The following DNAAF11 variants were observed in gnomAD, a reference collection of about 807,000 sequenced individuals.
DNAAF11 encodes the protein dynein axonemal assembly factor 11, also known as leucine rich repeat containing 6.
DNAAF11 carries 45 observed loss-of-function variants against 60.8 expected under a neutral mutation model. The observed-to-expected ratio is 0.74, with a 90% CI of 0.58 to 0.95. The LOEUF is 0.95. Among genes scored for constraint, DNAAF11 ranks in the 40% least tolerant of loss-of-function variants. The pLI is 0.00. For synonymous variants in DNAAF11, 191 were observed against 183.5 expected (o/e 1.04, Z -0.33); for missense variants, 546 against 546.2 (o/e 1.00, Z 0.00).
At chr8:132,636,212 T>C (rs1267645334) in intron 4 of DNAAF11, among the ~76,000 whole-genome samples, 1 of 151,194 alleles carries the variant, frequency 6.6e-6, no homozygotes, top group African/African-American at 2.4e-5. Context: ...AGTAAACATA[T>C]GAATACCATT....
chr8:132,674,193 GAGAAGGAGGAGGAGA>G (rs1825533237), intron 1 of DNAAF11, among the ~76,000 whole-genome samples: 1 of 138,668 alleles, frequency 7.2e-6, no homozygotes, highest in African/African-American at 3.1e-5. Context: ...GGAGGAGGAG[GAGAAGGAGGAGGAGA>G]AGGAGGAGGA....
the DNAAF11 span, among the ~76,000 whole-genome samples, chr8:132,688,392 GC>G: frequency 3.9e-5 from 6 of 152,194 alleles, no homozygotes; most frequent in African/African-American, 1.4e-4. Context: ...TCACGAAGGA[GC>G]TTTCCCTCTA....
At chr8:132,635,970 C>T (rs757454020) in intron 4 of DNAAF11, among the ~76,000 whole-genome samples, 27 of 151,912 alleles carry the variant, frequency 1.8e-4, no homozygotes, top group Non-Finnish European at 2.8e-4. Context: ...GATTCTCCCT[C>T]GCAGCCCCTG....
At chr8:132,675,156 A>C in intron 1 of DNAAF11, 1 of 346,874 alleles carries the variant, frequency 2.9e-6, no homozygotes, top group Non-Finnish European at 5.2e-6. Flanking sequence ...CTTGGCCGGA[A>C]CGTGGTGTGT....
rs1160136778 is a variant in DNAAF11, at chr8:132,635,218, C to CCAGTTTTAAGCTGATCCAGTTTTTTTAA, written c.430-2256_430-2255insTTAAAAAAACTGGATCAGCTTAAAACTG. On this transcript the variant is annotated intron_variant, in intron 4 of 11. Transcript: ENST00000620350. The stretch of plus-strand genomic sequence containing the variant: ...GTCTGAGTTTAGAAGGCCTAAGAAT[C>CCAGTTTTAAGCTGATCCAGTTTTTTTAA]AGAGATCCAGTTTTAAGCTGAGCGT... Among the ~76,000 whole-genome samples, 32 of 152,310 alleles carry CCAGTTTTAAGCTGATCCAGTTTTTTTAA rather than the reference C, an allele frequency of 2.1e-4. No individual in the cohort carries two copies. The South Asian group carries it at 6.6e-3, about 32-fold the overall frequency.
At chr8:132,693,237 A>G in the DNAAF11 span, among the ~76,000 whole-genome samples, 1 of 152,202 alleles carries the variant, frequency 6.6e-6, no homozygotes, top group African/African-American at 2.4e-5. Flanking sequence ...ATTCAGAGTG[A>G]GCATATGCAC....
intron 3 of DNAAF11, among the ~76,000 whole-genome samples, chr8:132,648,860 A>T (rs1460940131): frequency 3.9e-5 from 6 of 152,228 alleles, no homozygotes; most frequent in Non-Finnish European, 8.8e-5. Flanking sequence ...GAAATAAAAG[A>T]GGACATAAAC....
intron 4 of DNAAF11, among the ~76,000 whole-genome samples, 160 bp downstream of exon 4, chr8:132,637,775 C>T (rs547925733): frequency 1.3e-5 from 2 of 152,296 alleles, no homozygotes; most frequent in African/African-American, 4.8e-5. Flanking sequence ...ACTATTCAAA[C>T]AATATTAAAG....
At chr8:132,575,305 A>G (rs2130949043) in intron 11 of DNAAF11, among the ~76,000 whole-genome samples, 1 of 152,348 alleles carries the variant, frequency 6.6e-6, no homozygotes, top group East Asian at 1.9e-4. Flanking sequence ...AAGGACGTAG[A>G]GAAGTGCCAG....
chr8:132,627,845 C>A (rs1037400070), intron 5 of DNAAF11, among the ~76,000 whole-genome samples: 7 of 152,160 alleles, frequency 4.6e-5, no homozygotes, highest in Admixed American at 4.6e-4. Flanking sequence ...TATAACCTGG[C>A]TGCTGCTACC....
At chr8:132,682,841 C>T in the DNAAF11 span, among the ~76,000 whole-genome samples, 7 of 152,240 alleles carry the variant, frequency 4.6e-5, no homozygotes, top group East Asian at 5.8e-4. Flanking sequence ...CAGAAGATGA[C>T]GGGGAGCTAG....
intron 11 of DNAAF11, among the ~76,000 whole-genome samples, chr8:132,577,121 C>T (rs1426143894): frequency 6.6e-6 from 1 of 152,074 alleles, no homozygotes; most frequent in Non-Finnish European, 1.5e-5. Context: ...CTGTGCCCTT[C>T]CAGCCATGAT....
At chr8:132,587,572 G>A (rs1037497691) in intron 10 of DNAAF11, among the ~76,000 whole-genome samples, 1 of 152,166 alleles carries the variant, frequency 6.6e-6, no homozygotes, top group Non-Finnish European at 1.5e-5. Flanking sequence ...TCTTCCTCCA[G>A]GAAGCAATGC....
intron 1 of DNAAF11, among the ~76,000 whole-genome samples, chr8:132,666,609 G>A (rs568926498): frequency 3.4e-4 from 51 of 152,204 alleles, no homozygotes; most frequent in African/African-American, 1.1e-3. Flanking sequence ...AGGCAATGTC[G>A]ACAGAGATAC....
At chr8:132,635,779 A>C (rs1186697955) in intron 4 of DNAAF11, among the ~76,000 whole-genome samples, 2 of 152,230 alleles carry the variant, frequency 1.3e-5, no homozygotes, top group Non-Finnish European at 2.9e-5. Context: ...CACTATGGAT[A>C]TAATTCACTG....
intron 6 of DNAAF11, among the ~76,000 whole-genome samples, chr8:132,623,392 T>C (rs1267969862): frequency 6.6e-6 from 1 of 151,920 alleles, no homozygotes; most frequent in African/African-American, 2.4e-5. Flanking sequence ...AAATCCTACA[T>C]TTGCAGAGAT....
intron 6 of DNAAF11, among the ~76,000 whole-genome samples, chr8:132,624,792 C>T (rs1048650354): frequency 6.6e-6 from 1 of 152,114 alleles, no homozygotes. Context: ...AACAAATCAT[C>T]AAATTATATG....
chr8:132,619,773 T>A (rs1819572068), intron 7 of DNAAF11, among the ~76,000 whole-genome samples: 3 of 152,186 alleles, frequency 2.0e-5, no homozygotes, highest in Admixed American at 6.5e-5. Flanking sequence ...GAGACTGATC[T>A]AGCAGAGTGG....
At chr8:132,573,075 T>A (rs1350792184) in intron 11 of DNAAF11, among the ~76,000 whole-genome samples, 1 of 149,298 alleles carries the variant, frequency 6.7e-6, no homozygotes, top group Non-Finnish European at 1.5e-5. Context: ...TTGGCCAATG[T>A]TCCCAATATC....
Sources: gnomAD v4.1 joint callset for allele counts (sites outside exome capture counted in the v4.1 genomes callset) on GRCh38, gnomAD v4.1.1 for gene constraint, MANE v1.5 for transcripts, NCBI Gene and HGNC (gene_info 2026-07-23, HGNC 2026-07-21) for gene names.